POLR1A: variants seen among roughly 807,000 people sequenced by gnomAD.
POLR1A encodes the protein DNA-directed RNA polymerase I subunit RPA1.
A neutral mutation model predicts 205.3 loss-of-function variants in POLR1A; 84 were observed. The ratio of observed to expected loss-of-function variants is 0.41; its 90% CI spans 0.34 to 0.49. POLR1A has a LOEUF of 0.49. Among genes scored for constraint, POLR1A ranks in the 20% least tolerant of loss-of-function variants. The probability of loss-of-function intolerance (pLI) is 0.22; values close to 1 mark genes in which losing one functional copy is unlikely to be tolerated. For synonymous variants in POLR1A, 799 were observed against 863.7 expected (o/e 0.93, Z 1.31); for missense variants, 1,645 against 2,204.5 (o/e 0.75, Z 5.08).
At position 86,028,461 on chromosome 2, in the gene POLR1A, G is replaced by T; in HGVS notation, c.4897+133C>A. ...TCTCCTACAGGTGCACTCACTGCACGCATGCTGCAGTGCCTGCCTTAGTGC... is the reference window on the plus strand; with the variant it reads ...TCTCCTACAGGTGCACTCACTGCACTCATGCTGCAGTGCCTGCCTTAGTGC... On this transcript the variant is annotated intron_variant, in intron 32 of 33. Coordinates refer to ENST00000263857, the MANE Select transcript of POLR1A (RefSeq NM_015425.6). The surrounding 1 kb of genome is among the most constrained non-coding windows in gnomAD (Gnocchi z 4.5). 1.4e-6 allele frequency: 1 copy of T among 711,656 alleles called. No individual in the cohort carries two copies. The highest frequency in any genetic ancestry group is 2.6e-6 in the Non-Finnish European group (1 of 384,814). 44.1% of individuals were successfully genotyped at this position (711,656 alleles called of 1,614,324 possible). A position where few individuals can be genotyped will look rare whatever the true frequency, so the allele number is the denominator to read the frequency against.
At chr2:86,097,707 A>G (rs1573837514) in intron 3 of POLR1A, among the ~76,000 whole-genome samples, 1 of 152,316 alleles carries the variant, frequency 6.6e-6, no homozygotes, top group Non-Finnish European at 1.5e-5. Context: ...CATAGAAGTA[A>G]AAGTAGAATA....
chr2:86,034,537 T>C (rs1265173535), intron 27 of POLR1A, among the ~76,000 whole-genome samples: 1 of 152,206 alleles, frequency 6.6e-6, no homozygotes, highest in African/African-American at 2.4e-5. Context: ...TTAGGGCCTC[T>C]TAGGATCCAC....
chr2:86,040,289 A>C (rs1573805493), intron 25 of POLR1A, 103 bp downstream of exon 25: 1 of 907,884 alleles, frequency 1.1e-6, no homozygotes, highest in African/African-American at 1.7e-5. Flanking sequence ...ACACAGACAC[A>C]CTCTCTCATT....
chr2:86,077,770 C>T, intron 11 of POLR1A, 89 bp downstream of exon 11: 2 of 1,473,354 alleles, frequency 1.4e-6, no homozygotes, highest in Admixed American at 1.7e-5. Flanking sequence ...GCATTCTCAT[C>T]TGCCACCCAC....
In POLR1A at chr2:86,028,052, G is replaced by A; in HGVS notation, c.4898-3C>T. ...ATGGCGAGGGTCGACCGCGATGCCT[G>A]TCAAACGGGAGGTAAAATTAGGAGG... On this transcript the variant is annotated splice_polypyrimidine_tract_variant and splice_region_variant and intron_variant, in intron 32 of 33. Transcript: ENST00000263857. The surrounding 1 kb of genome is among the most constrained non-coding windows in gnomAD (Gnocchi z 4.5). The A allele has an allele frequency of 6.2e-7, 1 of 1,614,098 alleles. No homozygotes were observed.
rs139704032 is a variant in POLR1A at position 86,100,439 on chromosome 2, G to A, written c.78-267C>T. Among the ~76,000 whole-genome samples the A allele has an allele frequency of 1.5e-4, 23 of 151,834 alleles. No homozygotes were observed. The South Asian group carries it at 1.7e-3, about 11-fold the overall frequency. ...TGGTAACTTCTTAAAAACAGATTTA[G>A]AACAAAACTTGCACTAAGTACACTG... On this transcript the variant is annotated intron_variant, in intron 1 of 33. Transcript: ENST00000263857.
chr2:86,028,072 A>G lies in POLR1A; in HGVS notation c.4898-23T>C. ...TGCCTGTCAAACGGGAGGTAAAATT[A>G]GGAGGGATTAAGCAGTGACCACGGG... On this transcript the variant is annotated intron_variant, in intron 32 of 33. Transcript: ENST00000263857. This position sits in a 1 kb window ranked among gnomAD's most constrained non-coding sequence, Gnocchi z 4.5. 1 of 1,613,742 alleles carries G rather than the reference A, an allele frequency of 6.2e-7. No individual in the cohort carries two copies. Among genetic ancestry groups the G allele is most frequent in the Non-Finnish European group, 8.5e-7 (1 of 1,179,658 alleles).
chr2:86,027,612 C>A lies in POLR1A; in HGVS notation c.5063-89G>T. ...ATTATGGGGCTGAACACTGAAGTCT[C>A]GGGACTCAGGTGGGTCCTGAGTCTC... On this transcript the variant is annotated intron_variant, in intron 33 of 33. Coordinates refer to ENST00000263857, the MANE Select transcript of POLR1A (RefSeq NM_015425.6). 4 of 1,198,490 alleles carry A rather than the reference C, an allele frequency of 3.3e-6. No homozygotes were observed. In the Admixed American group the frequency reaches 5.3e-5, roughly 16 times the overall value. 74.2% of individuals were successfully genotyped at this position (1,198,490 alleles called of 1,614,324 possible).
At chr2:86,031,664 C>T in intron 29 of POLR1A, 29 bp from the exon 30 acceptor site, 8 of 1,581,908 alleles carry the variant, frequency 5.1e-6, no homozygotes, top group Non-Finnish European at 6.0e-6. Context: ...CAGGCTGTGT[C>T]ACTTGGGGAC....
chr2:86,071,398 T>C (rs929547739), intron 12 of POLR1A, among the ~76,000 whole-genome samples: 1 of 152,088 alleles, frequency 6.6e-6, no homozygotes, highest in African/African-American at 2.4e-5. Flanking sequence ...TCAAACGATC[T>C]TCCCGCCTTG....
chr2:86,051,797 C>T (rs1573811984), intron 16 of POLR1A, among the ~76,000 whole-genome samples: 2 of 152,360 alleles, frequency 1.3e-5, no homozygotes, highest in East Asian at 3.9e-4. Flanking sequence ...CCAGCACTCA[C>T]CCAAGGTGAA....
chr2:86,062,625 T>C (rs1673016514), intron 14 of POLR1A, among the ~76,000 whole-genome samples: 1 of 151,572 alleles, frequency 6.6e-6, no homozygotes, highest in Non-Finnish European at 1.5e-5. Context: ...GGGTCTCAAA[T>C]TGACTTAAAG....
chr2:86,040,710 C>T, intron 24 of POLR1A, 151 bp from the exon 25 acceptor site: 1 of 586,280 alleles, frequency 1.7e-6, no homozygotes, highest in Non-Finnish European at 2.9e-6. Flanking sequence ...CTCTAATCTT[C>T]AAATTCCCAC....
In POLR1A at chr2:86,098,596, C is replaced by G. The variant is rs780020747; in HGVS notation, c.432+15G>C. 8.1e-6 allele frequency: 13 copies of G among 1,611,822 alleles called. No homozygotes were observed. Among genetic ancestry groups the G allele is most frequent in the Non-Finnish European group, 1.1e-5 (13 of 1,179,322 alleles). ...TTGCCTTTTCTGATTTCTGTGACCA[C>G]CACTACCCACCTACCCTGTTCAGAA... On this transcript the variant is annotated intron_variant, in intron 3 of 33. Transcript: ENST00000263857.
rs991300959 is a variant in POLR1A, at chr2:86,038,669, G to A, written c.4034+31C>T. ...AGTTCAAGCGCATTCTCTGGGTCAA[G>A]GTCAATGACAATCACAGCCTGAGCC... On this transcript the variant is annotated intron_variant, in intron 27 of 33. Coordinates refer to ENST00000263857, the MANE Select transcript of POLR1A (RefSeq NM_015425.6). 3 of 1,608,794 alleles carry A rather than the reference G, an allele frequency of 1.9e-6. No individual in the cohort carries two copies. The African/African-American group carries it at 4.0e-5, about 22-fold the overall frequency.
intron 27 of POLR1A, among the ~76,000 whole-genome samples, chr2:86,034,336 T>C (rs1175365692): frequency 6.6e-6 from 1 of 152,122 alleles, no homozygotes; most frequent in Non-Finnish European, 1.5e-5. Flanking sequence ...AGAACTCCCT[T>C]GGTGTGGGAG....
intron 3 of POLR1A, among the ~76,000 whole-genome samples, chr2:86,096,930 C>T (rs914755375): frequency 5.3e-5 from 8 of 151,996 alleles, no homozygotes; most frequent in African/African-American, 1.9e-4. Flanking sequence ...AAAAGACAAC[C>T]TACGGAATAG....
intron 27 of POLR1A, among the ~76,000 whole-genome samples, chr2:86,037,922 A>C (rs1335468355): frequency 1.3e-5 from 2 of 152,176 alleles, no homozygotes; most frequent in African/African-American, 4.8e-5. Context: ...CACACTCTTC[A>C]GTCTGCCGGG....
rs1690137793 is a variant in POLR1A, at chr2:86,021,589, T to A, written c.*5834A>T. 1 of 152,420 alleles carries A rather than the reference T, an allele frequency of 6.6e-6. No homozygotes were observed. Among genetic ancestry groups the A allele is most frequent in the South Asian group, 2.1e-4 (1 of 4,834 alleles). The allele number at this position is 152,420 out of a possible 1,614,324, so 9.4% of individuals were successfully genotyped here. On this transcript the variant is annotated 3_prime_UTR_variant, in exon 34 of 34. Coordinates refer to ENST00000263857, the MANE Select transcript of POLR1A (RefSeq NM_015425.6). The stretch of plus-strand genomic sequence containing the variant: ...ATGGTCCTATAGGGGACAGTGTGCA[T>A]GTGCATATGAAGCCTGCTGGGTACC...
Sources: gnomAD v4.1 joint callset for allele counts (sites outside exome capture counted in the v4.1 genomes callset) on GRCh38, gnomAD v4.1.1 for gene constraint, Gnocchi (gnomAD v3.1) non-coding constraint, MANE v1.5 for transcripts, NCBI Gene and HGNC (gene_info 2026-07-23, HGNC 2026-07-21) for gene names.